Variants in MCF2L2 observed in about 807,000 individuals in gnomAD.
MCF2L2 encodes probable guanine nucleotide exchange factor MCF2L2.
MCF2L2 carries 102 observed loss-of-function variants against 150.2 expected under a neutral mutation model. The ratio of observed to expected loss-of-function variants is 0.68; its 90% confidence interval spans 0.58 to 0.80. The LOEUF is 0.80. Ranked by LOEUF, MCF2L2 falls within the 30% of genes least tolerant of loss-of-function variation. The pLI, the probability that MCF2L2 is intolerant of heterozygous loss-of-function variation, is 0.00. For synonymous variants in MCF2L2, 465 were observed against 491.3 expected (o/e 0.95, Z 0.71); for missense variants, 1,256 against 1,372.8 (o/e 0.91, Z 1.34).
chr3:183,250,934 G>A (rs1338808411), intron 15 of MCF2L2, among the ~76,000 whole-genome samples: 1 of 152,174 alleles, frequency 6.6e-6, no homozygotes, highest in Non-Finnish European at 1.5e-5. Context: ...CATTGGGATA[G>A]CCCAGGCTCT....
chr3:183,310,741 C>A, intron 9 of MCF2L2, 174 bp downstream of exon 9: 3 of 590,456 alleles, frequency 5.1e-6, no homozygotes, highest in Non-Finnish European at 9.1e-6. Context: ...CAGTTTGACT[C>A]CACTGAAAAA....
chr3:183,427,880 G>GA, intron 1 of MCF2L2, 22 bp downstream of exon 1: 1 of 1,610,264 alleles, frequency 6.2e-7, no homozygotes, highest in Non-Finnish European at 8.5e-7. Flanking sequence ...TAAAACGCAG[G>GA]AAAAATTAAA....
chr3:183,327,920 T>C (rs1560023813), intron 5 of MCF2L2, among the ~76,000 whole-genome samples: 1 of 152,376 alleles, frequency 6.6e-6, no homozygotes, highest in Admixed American at 6.5e-5. Context: ...TTATTTATAA[T>C]GAACCCCTTT....
At chr3:183,207,353 C>T (rs1166175597) in intron 23 of MCF2L2, among the ~76,000 whole-genome samples, 1 of 152,196 alleles carries the variant, frequency 6.6e-6, no homozygotes, top group Non-Finnish European at 1.5e-5. Context: ...GGTACTTTTA[C>T]TAATTAGTTT....
chr3:183,250,439 T>C (rs1161053925), intron 15 of MCF2L2, among the ~76,000 whole-genome samples: 12 of 151,778 alleles, frequency 7.9e-5, no homozygotes, highest in East Asian at 3.9e-4. Context: ...TATAAAAAAT[T>C]AGCCAGGTGT....
chr3:183,378,121 C>A (rs915040514), intron 3 of MCF2L2: 3 of 152,268 alleles, frequency 2.0e-5, no homozygotes. Context: ...TATCAGACGC[C>A]AGGCAGCCTC....
intron 1 of MCF2L2, among the ~76,000 whole-genome samples, chr3:183,409,676 T>C (rs968857973): frequency 4.0e-5 from 6 of 151,574 alleles, no homozygotes; most frequent in African/African-American, 1.5e-4. Context: ...AGCCTCAGCC[T>C]TCTGAGTAGC....
At chr3:183,285,541 A>G (rs1264361674) in intron 14 of MCF2L2, among the ~76,000 whole-genome samples, 1 of 152,224 alleles carries the variant, frequency 6.6e-6, no homozygotes, top group African/African-American at 2.4e-5. Flanking sequence ...TCTGAGGACT[A>G]GGGATGGACT....
intron 15 of MCF2L2, among the ~76,000 whole-genome samples, chr3:183,274,060 C>G (rs184636589): frequency 8.5e-5 from 13 of 152,146 alleles, no homozygotes; most frequent in African/African-American, 3.1e-4. Context: ...ACTAAAAATA[C>G]AAAAATCAGC....
At chr3:183,205,519 T>C (rs1722441206) in intron 25 of MCF2L2, among the ~76,000 whole-genome samples, 1 of 152,242 alleles carries the variant, frequency 6.6e-6, no homozygotes, top group Non-Finnish European at 1.5e-5. Flanking sequence ...GTTAATTATA[T>C]CTTGATGTTT....
At chr3:183,185,708 T>C (rs895619863) in intron 27 of MCF2L2, among the ~76,000 whole-genome samples, 3 of 152,186 alleles carry the variant, frequency 2.0e-5, no homozygotes, top group African/African-American at 7.2e-5. Context: ...AGTTCCAAAA[T>C]GTTTCCAGGG....
intron 27 of MCF2L2, among the ~76,000 whole-genome samples, chr3:183,187,583 C>T (rs930258023): frequency 6.6e-6 from 1 of 152,148 alleles, no homozygotes; most frequent in Non-Finnish European, 1.5e-5. Flanking sequence ...ATTCTCCTGC[C>T]TCAGCCTCCC....
chr3:183,246,879 C>T (rs899538217), intron 15 of MCF2L2, among the ~76,000 whole-genome samples: 3 of 152,156 alleles, frequency 2.0e-5, no homozygotes, highest in Non-Finnish European at 4.4e-5. Flanking sequence ...AACGTAATAG[C>T]TAACCCAATG....
chr3:183,382,797 G>T (rs1424357485), intron 2 of MCF2L2, among the ~76,000 whole-genome samples: 2 of 152,088 alleles, frequency 1.3e-5, no homozygotes, highest in Non-Finnish European at 2.9e-5. Context: ...AACATTAAGC[G>T]CTTGGGGTAC....
intron 15 of MCF2L2, chr3:183,271,060 C>A: frequency 3.5e-6 from 3 of 864,980 alleles, no homozygotes; most frequent in East Asian, 2.8e-5. Context: ...AAGCCTAGTC[C>A]ATCAGAATGT....
intron 2 of MCF2L2, among the ~76,000 whole-genome samples, chr3:183,380,489 A>G (rs767991564): frequency 6.6e-6 from 1 of 152,036 alleles, no homozygotes; most frequent in Admixed American, 6.6e-5. Flanking sequence ...GCAACCTCTG[A>G]CTCACAGGTT....
intron 13 of MCF2L2, 36 bp from the exon 14 acceptor site, chr3:183,289,256 T>C: frequency 7.3e-7 from 1 of 1,374,554 alleles, no homozygotes; most frequent in Non-Finnish European, 1.0e-6. Context: ...TTATTTAACT[T>C]ATAAACTATA....
chr3:183,277,185 G>GT (rs1727205374), intron 14 of MCF2L2, among the ~76,000 whole-genome samples: 1 of 151,896 alleles, frequency 6.6e-6, no homozygotes, highest in Non-Finnish European at 1.5e-5. Context: ...CCAAAAGCAG[G>GT]TATCGGCCGG....
intron 13 of MCF2L2, among the ~76,000 whole-genome samples, chr3:183,291,309 G>A (rs553467356): frequency 4.8e-4 from 73 of 152,274 alleles, no homozygotes; most frequent in Admixed American, 1.6e-3. Context: ...TTCCATGCAC[G>A]AGACAAACAT....
Sources: gnomAD v4.1 joint callset for allele counts (sites outside exome capture counted in the v4.1 genomes callset) on GRCh38, gnomAD v4.1.1 for gene constraint, MANE v1.5 for transcripts, NCBI Gene and HGNC (gene_info 2026-07-23, HGNC 2026-07-21) for gene names.